The following C4orf50 variants were observed in gnomAD, a reference collection of about 807,000 sequenced individuals.
C4orf50 encodes uncharacterized protein C4orf50.
A neutral mutation model predicts 77.2 loss-of-function variants in C4orf50; 80 were observed. The observed-to-expected ratio is 1.04, with a 90% CI of 0.87 to 1.25. The LOEUF (loss-of-function observed/expected upper bound fraction) is 1.25, where lower values mean the gene tolerates loss of function less well. C4orf50 is among the 50% of genes most tolerant of loss of function. The pLI, the probability that C4orf50 is intolerant of heterozygous loss-of-function variation, is 0.00. For synonymous variants in C4orf50, 532 were observed against 465.3 expected (o/e 1.14, Z -1.84); for missense variants, 1,257 against 1,152.9 (o/e 1.09, Z -1.31).
intron 7 of C4orf50, among the ~76,000 whole-genome samples, chr4:5,940,876 T>C (rs547121164): frequency 1.3e-4 from 20 of 152,314 alleles, no homozygotes; most frequent in Non-Finnish European, 2.6e-4. Context: ...GAGAGGATAC[T>C]TGGAGCAGAA....
intron 7 of C4orf50, among the ~76,000 whole-genome samples, chr4:5,921,154 G>C (rs10008569): frequency 6.6e-6 from 1 of 152,106 alleles, no homozygotes; most frequent in African/African-American, 2.4e-5. Context: ...GCCCTTCCAC[G>C]CTGAGGGAGG....
chr4:5,962,142 T>C (rs1719309855), intron 33 of C4orf50, among the ~76,000 whole-genome samples: 1 of 152,344 alleles, frequency 6.6e-6, no homozygotes, highest in South Asian at 2.1e-4. Context: ...AACAGCCTGA[T>C]GGCCCCTGTC....
At position 5,905,919 on chromosome 4, in the gene C4orf50, G is replaced by A. The variant is rs1716530410; in HGVS notation, c.*2475-7731C>T. Among the ~76,000 whole-genome samples the A allele has an allele frequency of 1.3e-5, 2 of 152,128 alleles. No homozygotes were observed. On this transcript the variant is annotated intron_variant, in intron 7 of 7. Coordinates refer to the C4orf50 transcript ENST00000324058. This position sits in a 1 kb window ranked among gnomAD's most constrained non-coding sequence, Gnocchi z 5.4. The stretch of plus-strand genomic sequence containing the variant: ...TCTCTATGCTAAGCACGGGGGCAGG[G>A]GGGCGGGGGGCAGAGGGACGGATGC...
At chr4:5,912,431 A>G (rs1474525671) in intron 7 of C4orf50, among the ~76,000 whole-genome samples, 1 of 152,208 alleles carries the variant, frequency 6.6e-6, no homozygotes, top group African/African-American at 2.4e-5. Context: ...ATAGGCCTTT[A>G]TGAAGAAAAG....
intron 7 of C4orf50, among the ~76,000 whole-genome samples, chr4:5,920,706 C>G (rs1717228260): frequency 6.6e-6 from 1 of 152,116 alleles, no homozygotes; most frequent in African/African-American, 2.4e-5. Flanking sequence ...GAACTCCTCA[C>G]CTCAGGTGAT....
chr4:5,967,248 A>G (rs1392640658), intron 32 of C4orf50, among the ~76,000 whole-genome samples, 166 bp downstream of exon 10: 1 of 152,204 alleles, frequency 6.6e-6, no homozygotes, highest in Non-Finnish European at 1.5e-5. Context: ...GTGAAATAGG[A>G]AGGCAATGCC....
chr4:6,004,881 C>G (rs1722186739), intron 25 of C4orf50, among the ~76,000 whole-genome samples: 2 of 143,942 alleles, frequency 1.4e-5, no homozygotes, highest in Non-Finnish European at 3.0e-5. Context: ...GTGAAAGAAG[C>G]TAGATTTGAC....
chr4:5,992,806 T>G lies in C4orf50; in HGVS notation c.1218A>C (p.Glu406Asp). ...CGCAGAAAGCCTCTGGCCTCACCTG[T>G]TCACGGTTGGATCCGGCCAGGTCTC... Residue 406 changes from glutamate to aspartate, a missense_variant, in exon 27 of 34, where the codon GAA becomes GAC. By Grantham distance (45) the Glu-to-Asp change is conservative. Transcript: ENST00000531445. The surrounding 1 kb of genome is among the most constrained non-coding windows in gnomAD (Gnocchi z 5.0). 2.5e-6 allele frequency: 1 copy of G among 399,092 alleles called. No individual in the cohort carries two copies. Among genetic ancestry groups the G allele is most frequent in the East Asian group, 3.6e-5 (1 of 28,052 alleles). The allele number at this position is 399,092 out of a possible 1,614,324, so 24.7% of individuals were successfully genotyped here. A position where few individuals can be genotyped will look rare whatever the true frequency, so the allele number is the denominator to read the frequency against.
At chr4:5,947,742 T>C (rs1718543020) in intron 7 of C4orf50, among the ~76,000 whole-genome samples, 1 of 152,102 alleles carries the variant, frequency 6.6e-6, no homozygotes, top group Non-Finnish European at 1.5e-5. Context: ...CCTAACACTC[T>C]TCCAAGTCCC....
rs118128436 is a variant in C4orf50 at position 5,964,215 on chromosome 4, G to A, written c.4275+809C>T. On this transcript the variant is annotated intron_variant, in intron 33 of 33. Transcript: ENST00000531445. ...GCCAGCTGAGAGGGTGAAAAGCTAAGGAGAGCTCTGAGCAGCCTCTTGGGG... is the reference window on the plus strand; with the variant it reads ...GCCAGCTGAGAGGGTGAAAAGCTAAAGAGAGCTCTGAGCAGCCTCTTGGGG... Among the ~76,000 whole-genome samples, 177 of 152,306 alleles carry A rather than the reference G, an allele frequency of 1.2e-3. 4 individuals carry two copies. The East Asian group carries it at 0.028, about 24-fold the overall frequency.
At chr4:5,973,970 G>A in intron 30 of C4orf50, 129 bp from the exon 9 acceptor site, 2 of 738,660 alleles carry the variant, frequency 2.7e-6, no homozygotes, top group Non-Finnish European at 4.3e-6. Flanking sequence ...GCTCAGCGGA[G>A]CAGCCTCCTC....
In C4orf50 at chr4:5,990,074, C is replaced by A; in HGVS notation, c.1972G>T (p.Gly658Ter). ...ACTTCCTCATTCTCTGATGACAGTC[C>A]TCCTCGGAGACCCCAGACGTATCCT... Residue 658 changes from glycine (G) to a stop codon, truncating the protein, a stop_gained, in exon 28 of 34, where the codon GGA becomes TGA. Coordinates refer to ENST00000531445, the Ensembl canonical transcript of C4orf50. LOFTEE classifies it high-confidence loss of function. 7.5e-7 allele frequency: 1 copy of A among 1,336,602 alleles called. No homozygotes were observed. The highest frequency in any genetic ancestry group is 1.5e-5 in the African/African-American group (1 of 68,654). The allele number at this position is 1,336,602 out of a possible 1,614,324, so 82.8% of individuals were successfully genotyped here.
rs560474256 is a variant in C4orf50, at chr4:6,017,857, G to C, written c.287+288C>G. 1.4e-4 allele frequency among the ~76,000 whole-genome samples: 21 copies of C among 152,294 alleles called. No homozygotes were observed. Among genetic ancestry groups the C allele is most frequent in the African/African-American group, 4.8e-4 (20 of 41,556 alleles). ...AACAGTCACCCAGAGAAGAAGAGAG[G>C]GAGAACACCTGGCTTCTCCCTGCCT... On this transcript the variant is annotated intron_variant, in intron 23 of 33. Coordinates refer to ENST00000531445, the Ensembl canonical transcript of C4orf50. This position sits in a 1 kb window ranked among gnomAD's most constrained non-coding sequence, Gnocchi z 4.7.
At chr4:5,963,263 G>A (rs1339111780) in intron 33 of C4orf50, among the ~76,000 whole-genome samples, 1 of 151,994 alleles carries the variant, frequency 6.6e-6, no homozygotes, top group Non-Finnish European at 1.5e-5. Flanking sequence ...TCGAAGTGCT[G>A]GGATTACAGG....
At chr4:5,988,940 A>G in exon 28 of C4orf50, 1 of 1,535,990 alleles carries the variant, frequency 6.5e-7, no homozygotes, top group Non-Finnish European at 8.7e-7. Flanking sequence ...ACACTCTCAG[A>G]CGTGGCTTTC....
intron 26 of C4orf50, among the ~76,000 whole-genome samples, chr4:5,993,295 G>C (rs1017223831): frequency 1.3e-5 from 2 of 152,226 alleles, no homozygotes; most frequent in Non-Finnish European, 2.9e-5. Flanking sequence ...GGACACATCT[G>C]ACCTGAGTCG....
chr4:6,011,339 GC>G lies in C4orf50; in HGVS notation c.426+490del, dbSNP rs1048358061. ...TGTTCTCCCACACCTCTGTGCTACG[GC>G]CCCGTGCTGTCAGCCACGCCTCACA... On this transcript the variant is annotated intron_variant, in intron 24 of 33. Transcript: ENST00000531445. This position sits in a 1 kb window ranked among gnomAD's most constrained non-coding sequence, Gnocchi z 4.2. Among the ~76,000 whole-genome samples the G allele has an allele frequency of 2.6e-5, 4 of 152,002 alleles. No homozygotes were observed. Among genetic ancestry groups the G allele is most frequent in the Admixed American group, 6.6e-5 (1 of 15,262 alleles).
chr4:6,004,080 G>GA (rs1722039321), intron 25 of C4orf50, among the ~76,000 whole-genome samples: 5 of 30,176 alleles, frequency 1.7e-4, no homozygotes, highest in African/African-American at 4.3e-4. Context: ...TGGTGATGAT[G>GA]TGATAGTGAT....
exon 28 of C4orf50, chr4:5,989,804 C>T (rs1343409145): frequency 6.6e-7 from 1 of 1,506,928 alleles, no homozygotes; most frequent in Non-Finnish European, 8.9e-7. Flanking sequence ...GAGTCAGGCT[C>T]CTCGGGGGCA....
Sources: allele counts gnomAD v4.1 joint callset (sites outside exome capture counted in the v4.1 genomes callset), GRCh38; gene constraint gnomAD v4.1.1; non-coding constraint Gnocchi (gnomAD v3.1); transcripts MANE v1.5; gene names NCBI Gene and HGNC (gene_info 2026-07-23, HGNC 2026-07-21).